The following C1orf167 variants were observed in gnomAD, a reference collection of about 807,000 sequenced individuals.
The protein encoded by C1orf167 is chromosome 1 open reading frame 167.
C1orf167 carries 153 observed loss-of-function variants against 176.5 expected under a neutral mutation model. That is an observed-to-expected ratio of 0.87 (90% CI 0.76 to 0.99). The LOEUF (loss-of-function observed/expected upper bound fraction) is 0.99, where lower values mean the gene tolerates loss of function less well. Ranked by LOEUF, C1orf167 falls within the 50% of genes least tolerant of loss-of-function variation. The pLI, the probability that C1orf167 is intolerant of heterozygous loss-of-function variation, is 0.00. For synonymous variants in C1orf167, 594 were observed against 752.7 expected (o/e 0.79, Z 3.45); for missense variants, 1,490 against 1,817.7 (o/e 0.82, Z 3.28).
At chr1:11,770,111 A>G (rs546269140) in intron 6 of C1orf167, among the ~76,000 whole-genome samples, 11 of 143,564 alleles carry the variant, frequency 7.7e-5, no homozygotes, top group African/African-American at 2.8e-4. Flanking sequence ...GAATATTTGC[A>G]TAGCATTTTT....
rs565747241 is a variant in C1orf167 at position 11,766,076 on chromosome 1, G to A, written c.290G>A (p.Ser97Asn). 7.8e-7 allele frequency: 1 copy of A among 1,289,780 alleles called. No individual in the cohort carries two copies. The highest frequency in any genetic ancestry group is 1.0e-6 in the Non-Finnish European group (1 of 988,896). 79.9% of individuals were successfully genotyped at this position (1,289,780 alleles called of 1,614,324 possible). A position where few individuals can be genotyped will look rare whatever the true frequency, so the allele number is the denominator to read the frequency against. Residue 97 changes from serine to asparagine, a missense_variant, in exon 3 of 21, where the codon AGC (serine) becomes AAC (asparagine). Ser to Asn is a conservative substitution (Grantham distance 46, BLOSUM62 1). Transcript: ENST00000688073. This position sits in a 1 kb window ranked among gnomAD's most constrained non-coding sequence, Gnocchi z 4.5. ...KDTTGQLVNSSFWQQSNLQSL... is the reference protein window; with the variant it reads ...KDTTGQLVNSNFWQQSNLQSL... ...ACGACTGGCCAACTGGTCAATTCAAGCTTCTGGCAACAGAGCAACCTGCAG... is the reference window on the plus strand; with the variant it reads ...ACGACTGGCCAACTGGTCAATTCAAACTTCTGGCAACAGAGCAACCTGCAG...
In C1orf167 at chr1:11,779,839, T is replaced by C; in HGVS notation, c.2689T>C (p.Trp897Arg). 3 of 1,302,842 alleles carry C rather than the reference T, an allele frequency of 2.3e-6. No individual in the cohort carries two copies. The highest frequency in any genetic ancestry group is 3.0e-6 in the Non-Finnish European group (3 of 988,610). The allele number at this position is 1,302,842 out of a possible 1,614,324, so 80.7% of individuals were successfully genotyped here. Residue 897 changes from tryptophan to arginine, a missense_variant, in exon 13 of 21, where the codon TGG (tryptophan) becomes CGG (arginine). Coordinates refer to ENST00000688073, the MANE Select transcript of C1orf167 (RefSeq NM_001010881.2). ...LSWSRWATAQ[W>R]AWRELASHRA... ...CTGGAGCCGCTGGGCAACAGCCCAATGGGCCTGGAGAGAGCTGGCTTCCCA... is the reference window on the plus strand; with the variant it reads ...CTGGAGCCGCTGGGCAACAGCCCAACGGGCCTGGAGAGAGCTGGCTTCCCA...
intron 1 of C1orf167, among the ~76,000 whole-genome samples, chr1:11,762,877 T>C (rs573310064): frequency 1.2e-4 from 18 of 152,150 alleles, no homozygotes; most frequent in Non-Finnish European, 2.6e-4. Context: ...AGAAATACAC[T>C]AATTTCTTCA....
intron 10 of C1orf167, chr1:11,777,148 G>A: frequency 6.5e-6 from 1 of 152,764 alleles, no homozygotes; most frequent in East Asian, 1.9e-4. Context: ...GGCTCAGAGG[G>A]CTGGAGCAGC....
At chr1:11,783,324 C>T (rs1019132573) in intron 14 of C1orf167, among the ~76,000 whole-genome samples, 3 of 151,600 alleles carry the variant, frequency 2.0e-5, no homozygotes, top group African/African-American at 7.3e-5. Context: ...CTCGGCTTAC[C>T]ACAACCTCCG....
chr1:11,775,990 G>T (rs887080078), intron 9 of C1orf167, among the ~76,000 whole-genome samples: 1 of 152,214 alleles, frequency 6.6e-6, no homozygotes, highest in Non-Finnish European at 1.5e-5. Context: ...CGGTGTAGTG[G>T]CTCACGCCTG....
intron 14 of C1orf167, 46 bp downstream of exon 14, chr1:11,782,379 G>T: frequency 8.5e-7 from 1 of 1,181,248 alleles, no homozygotes; most frequent in South Asian, 1.6e-5. Context: ...CCCCACGCAA[G>T]GAATAGCAAG....
At chr1:11,788,486 TG>T in intron 19 of C1orf167, 108 bp downstream of exon 19, 1 of 1,152,102 alleles carries the variant, frequency 8.7e-7, no homozygotes, top group Admixed American at 2.5e-5. Flanking sequence ...TCCAAAACCT[TG>T]GGGGACAGGC....
chr1:11,779,817 G>C lies in C1orf167; in HGVS notation c.2667G>C (p.Trp889Cys). 1 of 1,302,080 alleles carries C rather than the reference G, an allele frequency of 7.7e-7. No individual in the cohort carries two copies. The highest frequency in any genetic ancestry group is 1.0e-6 in the Non-Finnish European group (1 of 988,154). 80.7% of individuals were successfully genotyped at this position (1,302,080 alleles called of 1,614,324 possible). The change falls in exon 13 of 21, where the codon TGG becomes TGC. Residue 889 changes from tryptophan (W) to cysteine (C), a missense_variant. Transcript: ENST00000688073. The stretch of plus-strand genomic sequence containing the variant: ...CCTTTCCCAGCATCTTCCTCAGCTG[G>C]AGCCGCTGGGCAACAGCCCAATGGG... ...HTRQRRIFLS[W>C]SRWATAQWAW...
At chr1:11,773,979 C>T (rs1370577124) in intron 8 of C1orf167, among the ~76,000 whole-genome samples, 2 of 150,964 alleles carry the variant, frequency 1.3e-5, no homozygotes, top group African/African-American at 4.9e-5. Context: ...TCATGTCTCA[C>T]TGTAGCCTCA....
rs1357275778 is a variant in C1orf167, at chr1:11,766,739, C to A, written c.953C>A (p.Ser318Tyr). 7 of 1,289,768 alleles carry A rather than the reference C, an allele frequency of 5.4e-6. No homozygotes were observed. Among genetic ancestry groups the A allele is most frequent in the Non-Finnish European group, 6.1e-6 (6 of 988,848 alleles). The allele number at this position is 1,289,768 out of a possible 1,614,324, so 79.9% of individuals were successfully genotyped here. The change falls in exon 3 of 21, where the codon TCT (serine) becomes TAT (tyrosine). Residue 318 changes from serine to tyrosine, a missense_variant. By Grantham distance (144) the Ser-to-Tyr change is moderately radical. Coordinates refer to ENST00000688073, the MANE Select transcript of C1orf167 (RefSeq NM_001010881.2). The surrounding 1 kb of genome is among the most constrained non-coding windows in gnomAD (Gnocchi z 4.5). Reference sequence around the variant, plus strand: ...GAGACCCCGGCTAGTCTCTCAGACTCTTGGGCACAAAGCAAGCTAATGTCA... The same window carrying A: ...GAGACCCCGGCTAGTCTCTCAGACTATTGGGCACAAAGCAAGCTAATGTCA... Reference protein sequence around the residue: ...FLETPASLSDSWAQSKLMSPE... With the variant: ...FLETPASLSDYWAQSKLMSPE...
chr1:11,772,045 A>G, intron 7 of C1orf167, 37 bp from the exon 8 acceptor site: 1 of 1,274,394 alleles, frequency 7.8e-7, no homozygotes, highest in Middle Eastern at 2.3e-4. Context: ...CCATCTGCTT[A>G]CTCTCTCTTT....
rs1015703177 is a variant in C1orf167 at position 11,782,046 on chromosome 1, T to C, written c.2861-143T>C. ...GGCCTGGTCACCAGCAGGACACCCATAATAGAGGCTTTTTAACCCAGACAG... is the reference window on the plus strand; with the variant it reads ...GGCCTGGTCACCAGCAGGACACCCACAATAGAGGCTTTTTAACCCAGACAG... On this transcript the variant is annotated intron_variant, in intron 13 of 20. Coordinates refer to ENST00000688073, the MANE Select transcript of C1orf167 (RefSeq NM_001010881.2). 3.9e-5 allele frequency: 25 copies of C among 635,074 alleles called. No individual in the cohort carries two copies. The African/African-American group carries it at 4.8e-4, about 12-fold the overall frequency. The allele number at this position is 635,074 out of a possible 1,614,324, so 39.3% of individuals were successfully genotyped here.
At position 11,762,315 on chromosome 1, in the gene C1orf167, G is replaced by A. The variant is rs1424078882; in HGVS notation, c.-71+10G>A. The A allele has an allele frequency of 2.6e-6, 1 of 378,616 alleles. No homozygotes were observed. The highest frequency in any genetic ancestry group is 1.9e-5 in the South Asian group (1 of 52,550). 23.5% of individuals were successfully genotyped at this position (378,616 alleles called of 1,614,324 possible). A position where few individuals can be genotyped will look rare whatever the true frequency, so the allele number is the denominator to read the frequency against. On this transcript the variant is annotated intron_variant, in intron 1 of 20. Coordinates refer to ENST00000688073, the MANE Select transcript of C1orf167 (RefSeq NM_001010881.2). Reference sequence around the variant, plus strand: ...AGGAGGACCCACGCACGTGAGGGCAGATCCATGAGGGCAGGAAACTGACCT... The same window carrying A: ...AGGAGGACCCACGCACGTGAGGGCAAATCCATGAGGGCAGGAAACTGACCT...
At chr1:11,775,748 AG>A in intron 9 of C1orf167, 138 bp downstream of exon 9, 1 of 1,047,056 alleles carries the variant, frequency 9.6e-7, no homozygotes, top group Non-Finnish European at 1.2e-6. Flanking sequence ...TAGGCCTGGG[AG>A]GGTGCAGGAG....
intron 6 of C1orf167, 33 bp from the exon 7 acceptor site, chr1:11,771,491 C>A: frequency 7.9e-7 from 1 of 1,266,050 alleles, no homozygotes; most frequent in Non-Finnish European, 1.0e-6. Flanking sequence ...CCTCCCGGGT[C>A]ATCAGCTTCT....
intron 6 of C1orf167, among the ~76,000 whole-genome samples, chr1:11,770,452 T>TC (rs1486910149): frequency 6.6e-6 from 1 of 151,010 alleles, no homozygotes; most frequent in African/African-American, 2.4e-5. Context: ...TATTTTTCTT[T>TC]TTTTTTTTTT....
intron 13 of C1orf167, among the ~76,000 whole-genome samples, chr1:11,780,624 CTA>C (rs1643550343): frequency 6.6e-6 from 1 of 152,186 alleles, no homozygotes; most frequent in Non-Finnish European, 1.5e-5. Context: ...AATGTAGTCC[CTA>C]TGTCATCACC....
At position 11,766,819 on chromosome 1, in the gene C1orf167, C is replaced by T; in HGVS notation, c.1033C>T (p.Leu345Phe). 2 of 1,289,338 alleles carry T rather than the reference C, an allele frequency of 1.6e-6. No individual in the cohort carries two copies. The highest frequency in any genetic ancestry group is 2.0e-6 in the Non-Finnish European group (2 of 988,572). 79.9% of individuals were successfully genotyped at this position (1,289,338 alleles called of 1,614,324 possible). Residue 345 changes from leucine (L) to phenylalanine (F), a missense_variant, in exon 3 of 21, where the codon CTC becomes TTC. By Grantham distance (22) the Leu-to-Phe change is conservative (BLOSUM62 0). Transcript: ENST00000688073. This position sits in a 1 kb window ranked among gnomAD's most constrained non-coding sequence, Gnocchi z 4.5. ...GGATTCCCTTAATCCTGAGCAGGGG[C>T]TCCCTCCTGCCCACCCCCTAGGGTC... is the stretch of plus-strand genomic sequence containing the variant. The part of the protein sequence containing the change: ...TKDSLNPEQG[L>F]PPAHPLGSGD...
Sources: allele counts gnomAD v4.1 joint callset (sites outside exome capture counted in the v4.1 genomes callset), GRCh38; gene constraint gnomAD v4.1.1; non-coding constraint Gnocchi (gnomAD v3.1); transcripts MANE v1.5; gene names NCBI Gene and HGNC (gene_info 2026-07-23, HGNC 2026-07-21).